The following ST6GAL1 variants were observed in gnomAD, a reference collection of about 807,000 sequenced individuals.
ST6GAL1 encodes the protein ST6 beta-galactoside alpha-2,6-sialyltransferase 1, also known as beta-galactoside alpha-2,6-sialyltransferase 1.
In ST6GAL1, 20 loss-of-function variants were observed where a neutral mutation model predicts 38.0. That is an observed-to-expected ratio of 0.53 (90% CI 0.37 to 0.77). The LOEUF (loss-of-function observed/expected upper bound fraction) is 0.77, where lower values mean the gene tolerates loss of function less well. ST6GAL1 is among the 30% of genes least tolerant of loss of function. The pLI is 0.00. For synonymous variants in ST6GAL1, 196 were observed against 188.2 expected, an observed-to-expected ratio of 1.04 and a Z score of -0.34; for missense variants, 432 against 496.4, an observed-to-expected ratio of 0.87 and a Z score of 1.23.
chr3:187,020,951 T>G (rs867370338), intron 2 of ST6GAL1, among the ~76,000 whole-genome samples: 2 of 148,884 alleles, frequency 1.3e-5, no homozygotes, highest in Non-Finnish European at 3.0e-5. Context: ...TTAGGATATA[T>G]GTATTGGTGG....
chr3:186,938,745 A>G (rs975538312), intron 1 of ST6GAL1, among the ~76,000 whole-genome samples: 3 of 152,216 alleles, frequency 2.0e-5, no homozygotes, highest in African/African-American at 7.2e-5. Context: ...AGAAGAGTGT[A>G]AGGAACCCTA....
intron 1 of ST6GAL1, among the ~76,000 whole-genome samples, chr3:186,932,151 A>G (rs1579245913): frequency 6.7e-6 from 1 of 149,662 alleles, no homozygotes; most frequent in Non-Finnish European, 1.5e-5. Context: ...CCGGGGGGGG[A>G]ACTGGAGAGC....
chr3:186,990,966 CGCT>C (rs1560153606), intron 2 of ST6GAL1, among the ~76,000 whole-genome samples: 1 of 150,978 alleles, frequency 6.6e-6, no homozygotes, highest in Non-Finnish European at 1.5e-5. Context: ...GTCTGCAGAC[CGCT>C]GGGCCGGGTT....
At chr3:187,022,911 CT>C (rs1334093861) in intron 2 of ST6GAL1, among the ~76,000 whole-genome samples, 1 of 152,102 alleles carries the variant, frequency 6.6e-6, no homozygotes, top group African/African-American at 2.4e-5. Context: ...TAATCTTTGC[CT>C]TTTATGGCCT....
At chr3:187,022,002 A>T (rs966392714) in intron 2 of ST6GAL1, 1 of 152,130 alleles carries the variant, frequency 6.6e-6, no homozygotes, top group Non-Finnish European at 1.5e-5. Context: ...TAAACCAGTA[A>T]ATGTAAGTAG....
intron 5 of ST6GAL1, among the ~76,000 whole-genome samples, chr3:187,056,222 C>G (rs915199416): frequency 2.0e-5 from 3 of 152,230 alleles, no homozygotes; most frequent in Non-Finnish European, 2.9e-5. Context: ...GATGGGTCTC[C>G]TGAATACAGC....
At position 187,043,321 on chromosome 3, in the gene ST6GAL1, G is replaced by T; in HGVS notation, c.607+11G>T. The T allele has an allele frequency of 6.2e-7, 1 of 1,606,134 alleles. No homozygotes were observed. Among genetic ancestry groups the T allele is most frequent in the South Asian group, 1.1e-5 (1 of 90,252 alleles). ...TAGGCAGAGAAATCGGTATGTTCTG[G>T]GGTTGTTCTGTGAATGGCAGTGCTT... On this transcript the variant is annotated intron_variant, in intron 4 of 7. Transcript: ENST00000169298.
At chr3:186,946,858 G>A (rs1714389137) in intron 1 of ST6GAL1, among the ~76,000 whole-genome samples, 1 of 152,116 alleles carries the variant, frequency 6.6e-6, no homozygotes, top group Non-Finnish European at 1.5e-5. Context: ...CACTGTGGGG[G>A]ATTTGAGAGT....
intron 1 of ST6GAL1, among the ~76,000 whole-genome samples, chr3:186,935,888 T>TA (rs200642345): frequency 0.026 from 3,699 of 143,580 alleles, 66 homozygotes; most frequent in Middle Eastern, 0.057. Flanking sequence ...CTAGAACTAG[T>TA]AAAAAAAAAA....
At chr3:186,936,210 G>A (rs769850961) in intron 1 of ST6GAL1, among the ~76,000 whole-genome samples, 1 of 152,202 alleles carries the variant, frequency 6.6e-6, no homozygotes, top group Non-Finnish European at 1.5e-5. Flanking sequence ...GGAAGAGCAG[G>A]TGGTAAATGA....
At chr3:187,020,959 T>TG (rs1337699107) in intron 2 of ST6GAL1, among the ~76,000 whole-genome samples, 1 of 127,528 alleles carries the variant, frequency 7.8e-6, no homozygotes, top group Non-Finnish European at 1.8e-5. Flanking sequence ...TATGTATTGG[T>TG]GGTTTTTTTT....
intron 2 of ST6GAL1, among the ~76,000 whole-genome samples, chr3:187,033,786 T>G (rs1717834961): frequency 6.6e-6 from 1 of 152,168 alleles, no homozygotes; most frequent in South Asian, 2.1e-4. Context: ...AAGTTTGTAG[T>G]GCTTAACATC....
At chr3:187,037,412 A>C (rs192729710) in intron 2 of ST6GAL1, among the ~76,000 whole-genome samples, 239 of 152,226 alleles carry the variant, frequency 1.6e-3, no homozygotes, top group African/African-American at 5.5e-3. Flanking sequence ...TTATTATATT[A>C]ACCCTTTTTA....
chr3:187,021,904 C>G (rs1236692411), intron 2 of ST6GAL1: 1 of 152,140 alleles, frequency 6.6e-6, no homozygotes, highest in Non-Finnish European at 1.5e-5. Flanking sequence ...GCGGCACAAC[C>G]AGGGAGGGCG....
At chr3:187,026,110 T>C (rs528451124) in intron 2 of ST6GAL1, among the ~76,000 whole-genome samples, 15 of 152,362 alleles carry the variant, frequency 9.8e-5, no homozygotes, top group Non-Finnish European at 1.8e-4. Flanking sequence ...CATGGCTTCC[T>C]TTCTTTCACT....
At chr3:187,065,633 C>A in intron 5 of ST6GAL1, among the ~76,000 whole-genome samples, 1 of 152,146 alleles carries the variant, frequency 6.6e-6, no homozygotes, top group East Asian at 1.9e-4. Context: ...AGAGAGGAGA[C>A]AATGGGACAA....
At chr3:186,941,148 C>T (rs910156905) in intron 1 of ST6GAL1, among the ~76,000 whole-genome samples, 13 of 152,224 alleles carry the variant, frequency 8.5e-5, no homozygotes, top group Admixed American at 1.3e-4. Context: ...TGCGTCATCA[C>T]GTTCCCCTCC....
At chr3:187,015,391 TA>T (rs1448633385) in intron 2 of ST6GAL1, among the ~76,000 whole-genome samples, 3 of 152,194 alleles carry the variant, frequency 2.0e-5, no homozygotes, top group Non-Finnish European at 4.4e-5. Flanking sequence ...TTCAATGAGA[TA>T]AAATGCTAAG....
chr3:186,973,316 G>A (rs773224275), intron 2 of ST6GAL1, among the ~76,000 whole-genome samples: 27 of 152,192 alleles, frequency 1.8e-4, no homozygotes, highest in Non-Finnish European at 8.8e-5. Context: ...GATTACAGGC[G>A]TGAGCCACTG....
Sources: gnomAD v4.1 joint callset for allele counts (sites outside exome capture counted in the v4.1 genomes callset) on GRCh38, gnomAD v4.1.1 for gene constraint, MANE v1.5 for transcripts, NCBI Gene and HGNC (gene_info 2026-07-23, HGNC 2026-07-21) for gene names.